Variants in PTCH2 observed in about 807,000 individuals in gnomAD.
PTCH2 encodes patched 2.
Under a neutral mutation model 117.9 loss-of-function variants are expected in PTCH2, and 96 were observed. The observed-to-expected ratio is 0.81, with a 90% CI of 0.69 to 0.96. The LOEUF is 0.96. PTCH2 is among the 50% of genes least tolerant of loss of function. The pLI is 0.00. For missense variants in PTCH2, 1,379 were observed against 1,562.5 expected, an observed-to-expected ratio of 0.88 and a Z score of 1.98; for synonymous variants, 615 against 660.9, an observed-to-expected ratio of 0.93 and a Z score of 1.06.
Position 44,832,033 on chromosome 1 carries a change from A to C in PTCH2, c.467T>G (p.Leu156Trp), listed in dbSNP as rs757373889. 1.5e-5 allele frequency: 24 copies of C among 1,613,596 alleles called. No homozygotes were observed. Among genetic ancestry groups the C allele is most frequent in the Non-Finnish European group, 1.5e-5 (18 of 1,179,658 alleles). Reference sequence around the variant, plus strand: ...TCCTGACTTGTAGCAGATTTTGTTCAAATCCCAGGACCTGCAATAGCCAGG... The same window carrying C: ...TCCTGACTTGTAGCAGATTTTGTTCCAATCCCAGGACCTGCAATAGCCAGG... ...QVSLYGKSWD[L>W]NKICYKSGVP... is the part of the protein sequence containing the mutation. The change falls in exon 4 of 22, where the codon TTG (leucine) becomes TGG (tryptophan). Residue 156 changes from leucine to tryptophan, a missense_variant. Leu to Trp is a moderately conservative substitution (Grantham distance 61, BLOSUM62 -2). Coordinates refer to ENST00000372192, the MANE Select transcript of PTCH2 (RefSeq NM_003738.5).
chr1:44,838,320 C>A (rs970620429), intron 2 of PTCH2, among the ~76,000 whole-genome samples: 3 of 152,136 alleles, frequency 2.0e-5, no homozygotes, highest in Non-Finnish European at 4.4e-5. Context: ...CGGCTCACTG[C>A]AAACTCTGCC....
At chr1:44,820,693 A>C (rs899351780), downstream of PTCH2, 1 of 718,104 alleles carries the variant, frequency 1.4e-6, no homozygotes. Context: ...CAGAGGCTAG[A>C]TCTCCTCGGG....
intron 2 of PTCH2, among the ~76,000 whole-genome samples, chr1:44,835,366 T>C (rs985050757): frequency 6.6e-6 from 1 of 152,230 alleles, no homozygotes; most frequent in African/African-American, 2.4e-5. Context: ...CAAACTTTTA[T>C]GTCTTTACCA....
rs751870013 is a variant in PTCH2 at position 44,828,341 on chromosome 1, C to T, written c.1664G>A (p.Arg555Gln). ...ATCAAGGCGCTGGCAGTGGCGCCGC[C>T]GTAGGTCCAGGCTGAGGATGGCTGG... Reference protein sequence around the residue: ...VFPAILSLDLRRRHCQRLDVL... With the variant: ...VFPAILSLDLQRRHCQRLDVL... The change falls in exon 13 of 22, where the codon CGG (arginine) becomes CAG (glutamine). Residue 555 changes from arginine to glutamine, a missense_variant. Transcript: ENST00000372192. The T allele has an allele frequency of 1.1e-5, 18 of 1,613,968 alleles. No homozygotes were observed. Among genetic ancestry groups the T allele is most frequent in the East Asian group, 8.9e-5 (4 of 44,904 alleles).
rs753607924 is a variant in PTCH2, at chr1:44,832,144, A to G, written c.455+8T>C. ...CCCCCAGCTGCTCAGGGGCTCAGCC[A>G]GACTCACTTCCCATAGAGTGATACT... On this transcript the variant is annotated splice_region_variant and intron_variant, in intron 3 of 21. Transcript: ENST00000372192. 4 of 1,614,024 alleles carry G rather than the reference A, an allele frequency of 2.5e-6. No homozygotes were observed. The East Asian group carries it at 8.9e-5, about 36-fold the overall frequency.
intron 19 of PTCH2, among the ~76,000 whole-genome samples, chr1:44,825,175 C>T (rs754476731): frequency 1.6e-4 from 25 of 151,544 alleles, no homozygotes; most frequent in Admixed American, 4.6e-4. Flanking sequence ...TTTGCTCGGT[C>T]TCCCAGGCTG....
rs768951349 is a variant in PTCH2 at position 44,830,587 on chromosome 1, C to CAAAAAAAAAAA, written c.813+250_813+260dup. 6.6e-3 allele frequency among the ~76,000 whole-genome samples: 429 copies of CAAAAAAAAAAA among 65,018 alleles called. 14 individuals are homozygous for CAAAAAAAAAAA. Among genetic ancestry groups the CAAAAAAAAAAA allele is most frequent in the East Asian group, 0.062 (112 of 1,816 alleles). The allele number at this position is 65,018 out of a possible 152,430, so 42.7% of individuals were successfully genotyped here. A position where few individuals can be genotyped will look rare whatever the true frequency, so the allele number is the denominator to read the frequency against. On this transcript the variant is annotated intron_variant, in intron 6 of 21. Coordinates refer to ENST00000372192, the MANE Select transcript of PTCH2 (RefSeq NM_003738.5). ...CCAGCCTGGGTGACAGAGTGAGACT[C>CAAAAAAAAAAA]AAAAAAAAAAAAAAAAAGAAGTCCA...
chr1:44,838,748 T>A (rs1413192047), intron 2 of PTCH2, among the ~76,000 whole-genome samples: 6 of 150,620 alleles, frequency 4.0e-5, no homozygotes, highest in Admixed American at 4.0e-4. Context: ...TTTTTTTGAG[T>A]CTCGCTCTGT....
At chr1:44,840,938 C>A (rs1653920631) in intron 2 of PTCH2, among the ~76,000 whole-genome samples, 1 of 151,636 alleles carries the variant, frequency 6.6e-6, no homozygotes, top group African/African-American at 2.4e-5. Flanking sequence ...GTGGCGCACG[C>A]CTGTAATCCC....
In PTCH2 at chr1:44,823,622, T is replaced by G. The variant is rs1653012381; in HGVS notation, c.3115-237A>C. On this transcript the variant is annotated intron_variant, in intron 19 of 21. Transcript: ENST00000372192. The surrounding 1 kb of genome is among the most constrained non-coding windows in gnomAD (Gnocchi z 5.1). ...CGTAGAAAATAGGGTACAGCCTGGG[T>G]GACAGAGTGAGACCCTGTCTCTTAA... 6.6e-6 allele frequency among the ~76,000 whole-genome samples: 1 copy of G among 152,012 alleles called. No homozygotes were observed. Among genetic ancestry groups the G allele is most frequent in the South Asian group, 2.1e-4 (1 of 4,808 alleles).
Position 44,829,152 on chromosome 1 carries a change from C to A in PTCH2, c.1371+5G>T, listed in dbSNP as rs532682199. On this transcript the variant is annotated splice_donor_5th_base_variant and intron_variant, in intron 10 of 21. Transcript: ENST00000372192. ...CACTGAGTCTGCCCTGCAGTCCTGG[C>A]GTACCTGGGTAGTGGCAGCATTGAA... 1 of 1,613,812 alleles carries A rather than the reference C, an allele frequency of 6.2e-7. No homozygotes were observed. Among genetic ancestry groups the A allele is most frequent in the African/African-American group, 1.3e-5 (1 of 75,054 alleles).
In PTCH2 at chr1:44,826,850, G is replaced by C; in HGVS notation, c.2695+52C>G. On this transcript the variant is annotated intron_variant, in intron 17 of 21. Transcript: ENST00000372192. This position sits in a 1 kb window ranked among gnomAD's most constrained non-coding sequence, Gnocchi z 5.1. ...CAGAGTGGGCAGGGCCTCAGGCTCAGGGCTTGTGTGGGCGAGGCTGAGGCT... is the reference window on the plus strand; with the variant it reads ...CAGAGTGGGCAGGGCCTCAGGCTCACGGCTTGTGTGGGCGAGGCTGAGGCT... The C allele has an allele frequency of 6.2e-7, 1 of 1,612,774 alleles. No homozygotes were observed. Among genetic ancestry groups the C allele is most frequent in the Admixed American group, 1.7e-5 (1 of 60,024 alleles).
In PTCH2 at chr1:44,829,911, C is replaced by T. The variant is rs966857361; in HGVS notation, c.933G>A (p.Leu311=). The change falls in exon 7 of 22, where the codon CTG becomes CTA. Residue 311 remains leucine (L), a splice_region_variant and synonymous_variant. Coordinates refer to ENST00000372192, the MANE Select transcript of PTCH2 (RefSeq NM_003738.5). ...GMARDPQGEL[L]RAEALQSTFL... The stretch of plus-strand genomic sequence containing the variant: ...CCAACTCCCAGAGGAGACCCTACCT[C>T]AGCAGCTCTCCTTGGGGGTCTCTGG... 6.2e-7 allele frequency: 1 copy of T among 1,614,006 alleles called. No individual in the cohort carries two copies. The highest frequency in any genetic ancestry group is 8.5e-7 in the Non-Finnish European group (1 of 1,179,980).
At chr1:44,820,140 G>T (rs181872399), downstream of PTCH2, 25 of 347,542 alleles carry the variant, frequency 7.2e-5, no homozygotes, top group East Asian at 1.8e-3. Flanking sequence ...CTAAAACAGT[G>T]CAGAAATGCG....
chr1:44,823,237 C>G lies in PTCH2; in HGVS notation c.3257+6G>C, dbSNP rs752837124. 1.1e-5 allele frequency: 17 copies of G among 1,614,092 alleles called. No individual in the cohort carries two copies. Among genetic ancestry groups the G allele is most frequent in the Non-Finnish European group, 1.3e-5 (15 of 1,180,042 alleles). ...GCCCTGCCTCCCTGCCCCGAGCCCTCCCTACCTTACAATGAAGTCAAAGTG... is the reference window on the plus strand; with the variant it reads ...GCCCTGCCTCCCTGCCCCGAGCCCTGCCTACCTTACAATGAAGTCAAAGTG... On this transcript the variant is annotated splice_donor_region_variant and intron_variant, in intron 20 of 21. Transcript: ENST00000372192. The surrounding 1 kb of genome is among the most constrained non-coding windows in gnomAD (Gnocchi z 5.1).
rs768951349 is a variant in PTCH2 at position 44,830,587 on chromosome 1, C to CAAAA, written c.813+257_813+260dup. Among the ~76,000 whole-genome samples, 148 of 65,138 alleles carry CAAAA rather than the reference C, an allele frequency of 2.3e-3. 3 individuals are homozygous for CAAAA. The highest frequency in any genetic ancestry group is 8.9e-3 in the African/African-American group (131 of 14,710). The allele number at this position is 65,138 out of a possible 152,430, so 42.7% of individuals were successfully genotyped here. A position where few individuals can be genotyped will look rare whatever the true frequency, so the allele number is the denominator to read the frequency against. ...CCAGCCTGGGTGACAGAGTGAGACT[C>CAAAA]AAAAAAAAAAAAAAAAAGAAGTCCA... On this transcript the variant is annotated intron_variant, in intron 6 of 21. Transcript: ENST00000372192.
intron 2 of PTCH2, among the ~76,000 whole-genome samples, chr1:44,835,111 C>G (rs1487199869): frequency 6.6e-6 from 1 of 152,162 alleles, no homozygotes; most frequent in Non-Finnish European, 1.5e-5. Flanking sequence ...CGCTTTGTCA[C>G]CCAGGCTGGA....
chr1:44,821,524 C>G (rs1460069016), downstream of PTCH2, among the ~76,000 whole-genome samples: 1 of 152,204 alleles, frequency 6.6e-6, no homozygotes, highest in African/African-American at 2.4e-5. Context: ...GGCTGCTTTC[C>G]TGATCTGCCT....
At chr1:44,837,734 T>C (rs560020682) in intron 2 of PTCH2, among the ~76,000 whole-genome samples, 17 of 152,028 alleles carry the variant, frequency 1.1e-4, no homozygotes, top group African/African-American at 4.1e-4. Flanking sequence ...CAGAAGTGTA[T>C]TGCCAGAGAT....
Sources: gnomAD v4.1 joint callset for allele counts (sites outside exome capture counted in the v4.1 genomes callset) on GRCh38, gnomAD v4.1.1 for gene constraint, Gnocchi (gnomAD v3.1) non-coding constraint, MANE v1.5 for transcripts, NCBI Gene and HGNC (gene_info 2026-07-23, HGNC 2026-07-21) for gene names.